Variants in GRID2 observed in about 807,000 individuals in gnomAD.
GRID2 encodes the protein glutamate ionotropic receptor delta type subunit 2.
Under a neutral mutation model 114.8 loss-of-function variants are expected in GRID2, and 33 were observed. The ratio of observed to expected loss-of-function variants is 0.29; its 90% CI spans 0.22 to 0.38. The LOEUF (loss-of-function observed/expected upper bound fraction) is 0.38. Ranked by LOEUF, GRID2 falls within the 10% of genes least tolerant of loss-of-function variation. GRID2 has a pLI of 1.00. For synonymous variants in GRID2, 505 were observed against 449.9 expected, an observed-to-expected ratio of 1.12 and a Z score of -1.55; for missense variants, 1,184 against 1,257.7, an observed-to-expected ratio of 0.94 and a Z score of 0.89.
chr4:93,183,607 A>G (rs1740113748), intron 4 of GRID2, among the ~76,000 whole-genome samples: 1 of 152,222 alleles, frequency 6.6e-6, no homozygotes, highest in African/African-American at 2.4e-5. Flanking sequence ...GACATTGAAC[A>G]GGATACAAGG....
chr4:92,439,347 C>T (rs766415036), intron 1 of GRID2, among the ~76,000 whole-genome samples: 11 of 152,110 alleles, frequency 7.2e-5, no homozygotes, highest in East Asian at 3.9e-4. Flanking sequence ...GCCATCTGGG[C>T]GTATATGTGC....
intron 2 of GRID2, among the ~76,000 whole-genome samples, chr4:92,993,169 T>G (rs1312099203): frequency 6.6e-6 from 1 of 152,060 alleles, no homozygotes; most frequent in Non-Finnish European, 1.5e-5. Flanking sequence ...TCTTTTTGTT[T>G]GTACTTGATT....
At chr4:93,089,197 A>G (rs1730575546) in intron 3 of GRID2, among the ~76,000 whole-genome samples, 1 of 152,158 alleles carries the variant, frequency 6.6e-6, no homozygotes, top group Non-Finnish European at 1.5e-5. Context: ...AACATTATAG[A>G]TATAAGAATA....
chr4:92,670,010 G>C (rs1414000769), intron 2 of GRID2, among the ~76,000 whole-genome samples: 1 of 151,984 alleles, frequency 6.6e-6, no homozygotes, highest in Admixed American at 6.6e-5. Flanking sequence ...CTTCACAGTT[G>C]ATGAGGAGGC....
At chr4:93,134,819 A>G (rs887147288) in intron 4 of GRID2, among the ~76,000 whole-genome samples, 2 of 152,128 alleles carry the variant, frequency 1.3e-5, no homozygotes, top group African/African-American at 4.8e-5. Flanking sequence ...CCCAGTGGCT[A>G]TAAGAAGCAA....
intron 8 of GRID2, among the ~76,000 whole-genome samples, chr4:93,336,960 C>G (rs902009304): frequency 3.0e-5 from 4 of 134,576 alleles, no homozygotes; most frequent in African/African-American, 1.5e-4. Context: ...AAAGATGTGG[C>G]ATCCAAAAAT....
At chr4:93,537,996 G>T (rs956581967) in intron 13 of GRID2, among the ~76,000 whole-genome samples, 1 of 151,604 alleles carries the variant, frequency 6.6e-6, no homozygotes, top group East Asian at 1.9e-4. Flanking sequence ...TTTCTGCAAC[G>T]TGAAACTATA....
intron 4 of GRID2, among the ~76,000 whole-genome samples, chr4:93,191,978 C>T (rs1361323578): frequency 6.6e-6 from 1 of 152,156 alleles, no homozygotes; most frequent in Non-Finnish European, 1.5e-5. Flanking sequence ...TTTACACCTT[C>T]ACAATATCTC....
chr4:93,755,814 C>T (rs1732696376), intron 14 of GRID2, among the ~76,000 whole-genome samples: 1 of 152,126 alleles, frequency 6.6e-6, no homozygotes, highest in South Asian at 2.1e-4. Context: ...ATCAGGTTTG[C>T]CACATCAAGT....
chr4:92,926,434 G>C (rs1749814474), intron 2 of GRID2, among the ~76,000 whole-genome samples: 1 of 151,922 alleles, frequency 6.6e-6, no homozygotes, highest in Non-Finnish European at 1.5e-5. Flanking sequence ...AGTGGTGGTA[G>C]TTCACCATAG....
intron 8 of GRID2, among the ~76,000 whole-genome samples, chr4:93,383,615 T>A (rs1764062850): frequency 5.3e-5 from 8 of 152,094 alleles, no homozygotes. Context: ...TCCTTTCTAA[T>A]CTTGTTTCTC....
intron 2 of GRID2, among the ~76,000 whole-genome samples, chr4:92,991,261 A>T (rs1005944149): frequency 6.6e-6 from 1 of 152,212 alleles, no homozygotes. Flanking sequence ...AGATTCAATA[A>T]AAGGGATTTA....
At chr4:92,843,357 C>T (rs1361165314) in intron 2 of GRID2, among the ~76,000 whole-genome samples, 9 of 152,096 alleles carry the variant, frequency 5.9e-5, no homozygotes, top group Non-Finnish European at 1.0e-4. Flanking sequence ...TCTTAAACCT[C>T]ATTTTGAATT....
chr4:93,020,760 C>T (rs1048422649), intron 2 of GRID2, among the ~76,000 whole-genome samples: 2 of 152,040 alleles, frequency 1.3e-5, no homozygotes, highest in Admixed American at 6.6e-5. Flanking sequence ...GGGCTGGGTG[C>T]GGTGGCACAT....
At chr4:93,385,554 C>A (rs750256978) in intron 8 of GRID2, among the ~76,000 whole-genome samples, 1 of 152,178 alleles carries the variant, frequency 6.6e-6, no homozygotes, top group South Asian at 2.1e-4. Context: ...GCTTGCCATA[C>A]GTCAGTGAAT....
At chr4:92,807,636 A>G (rs1173515613) in intron 2 of GRID2, among the ~76,000 whole-genome samples, 2 of 152,040 alleles carry the variant, frequency 1.3e-5, no homozygotes, top group Non-Finnish European at 2.9e-5. Flanking sequence ...TTAATTTACC[A>G]TATATGCAGA....
At chr4:92,593,038 T>A (rs184459615) in intron 2 of GRID2, among the ~76,000 whole-genome samples, 1 of 151,982 alleles carries the variant, frequency 6.6e-6, no homozygotes, top group Non-Finnish European at 1.5e-5. Context: ...CATCACCTTG[T>A]CTGTTTTCAT....
intron 1 of GRID2, among the ~76,000 whole-genome samples, chr4:92,565,068 C>T (rs1430253454): frequency 7.9e-5 from 12 of 151,956 alleles, no homozygotes; most frequent in Non-Finnish European, 1.5e-4. Context: ...ACAAGGCATA[C>T]AGTTTTGGCA....
At chr4:93,348,570 C>T (rs1041171648) in intron 8 of GRID2, among the ~76,000 whole-genome samples, 7 of 152,112 alleles carry the variant, frequency 4.6e-5, no homozygotes, top group African/African-American at 1.7e-4. Flanking sequence ...GGATAAATGC[C>T]ATCTCCTGGA....
Sources: allele counts gnomAD v4.1 joint callset (sites outside exome capture counted in the v4.1 genomes callset), GRCh38; gene constraint gnomAD v4.1.1; transcripts MANE v1.5; gene names NCBI Gene and HGNC (gene_info 2026-07-23, HGNC 2026-07-21).